Variants in PIP5K1B observed in about 807,000 individuals in gnomAD.
The protein encoded by PIP5K1B is phosphatidylinositol-4-phosphate 5-kinase type 1 beta.
PIP5K1B carries 42 observed loss-of-function variants against 67.0 expected under a neutral mutation model. The observed-to-expected ratio is 0.63, with a 90% confidence interval of 0.49 to 0.81. PIP5K1B has a LOEUF of 0.81. Ranked by LOEUF, PIP5K1B falls within the 30% of genes least tolerant of loss-of-function variation. The probability of loss-of-function intolerance (pLI) is 0.00; values close to 1 mark genes in which losing one functional copy is unlikely to be tolerated. For synonymous variants in PIP5K1B, 214 were observed against 231.4 expected, an observed-to-expected ratio of 0.92 and a Z score of 0.68; for missense variants, 459 against 646.3, an observed-to-expected ratio of 0.71 and a Z score of 3.14.
rs959414058 is a variant in PIP5K1B at position 68,966,182 on chromosome 9, T to G, written c.1503-24958T>G. ...ATATATGATTGAATAAATAAATAAA[T>G]GGAGGAGAGGAGACAAAATTCCCAT... On this transcript the variant is annotated intron_variant, in intron 14 of 15. Transcript: ENST00000265382. Among the ~76,000 whole-genome samples the G allele has an allele frequency of 9.9e-5, 15 of 152,080 alleles. No individual in the cohort carries two copies. The East Asian group carries it at 2.9e-3, about 29-fold the overall frequency.
intron 2 of PIP5K1B, chr9:68,780,241 G>C: frequency 6.5e-7 from 1 of 1,535,672 alleles, no homozygotes; most frequent in Non-Finnish European, 8.7e-7. Flanking sequence ...GGCGGTGGCA[G>C]CGGCGGCGGC....
intron 2 of PIP5K1B, among the ~76,000 whole-genome samples, chr9:68,771,916 A>C (rs1041607433): frequency 6.6e-6 from 1 of 152,216 alleles, no homozygotes; most frequent in African/African-American, 2.4e-5. Context: ...AGTTGTATTT[A>C]GTTTATAAAT....
intron 11 of PIP5K1B, among the ~76,000 whole-genome samples, chr9:68,922,406 T>C (rs1399148886): frequency 7.1e-6 from 1 of 140,046 alleles, no homozygotes; most frequent in Non-Finnish European, 1.5e-5. Context: ...GAGGTTGCAG[T>C]GAGCCGAGAT....
At chr9:68,781,460 C>T in intron 2 of PIP5K1B, 1 of 175,138 alleles carries the variant, frequency 5.7e-6, no homozygotes, top group Non-Finnish European at 1.4e-5. Context: ...TCAGTGGTTG[C>T]CGATTTCCAT....
chr9:68,968,785 C>T (rs958128043), intron 14 of PIP5K1B, among the ~76,000 whole-genome samples: 1 of 151,346 alleles, frequency 6.6e-6, no homozygotes, highest in African/African-American at 2.4e-5. Context: ...TCAAAAGAGG[C>T]ATCCTATCTC....
chr9:68,790,976 A>G (rs1323354068), intron 2 of PIP5K1B, among the ~76,000 whole-genome samples: 1 of 152,202 alleles, frequency 6.6e-6, no homozygotes, highest in African/African-American at 2.4e-5. Context: ...ATTTTAAGGC[A>G]ACATGACTGA....
chr9:68,876,914 G>T (rs1169888156), intron 6 of PIP5K1B, 120 bp downstream of exon 6: 4 of 600,084 alleles, frequency 6.7e-6, no homozygotes, highest in Non-Finnish European at 8.9e-6. Flanking sequence ...CGTAGTAAAA[G>T]TTCCAAGTTT....
Position 68,923,999 on chromosome 9 carries a change from A to G in PIP5K1B, c.1201+613A>G, listed in dbSNP as rs114995495. Among the ~76,000 whole-genome samples, 1,051 of 152,168 alleles carry G rather than the reference A, an allele frequency of 6.9e-3. 14 individuals carry two copies. Among genetic ancestry groups the G allele is most frequent in the African/African-American group, 0.024 (1,010 of 41,496 alleles). On this transcript the variant is annotated intron_variant, in intron 12 of 15. Coordinates refer to ENST00000265382, the MANE Select transcript of PIP5K1B (RefSeq NM_003558.4). Reference sequence around the variant, plus strand: ...TGAGTTAAAGAAGAAATTACAAGGAAATTAGAAAAACCTCAAGATGAATGA... The same window carrying G: ...TGAGTTAAAGAAGAAATTACAAGGAGATTAGAAAAACCTCAAGATGAATGA...
At chr9:68,847,812 A>G (rs1474556693) in intron 4 of PIP5K1B, among the ~76,000 whole-genome samples, 2 of 152,174 alleles carry the variant, frequency 1.3e-5, no homozygotes, top group Non-Finnish European at 2.9e-5. Context: ...TCAAAGGAGA[A>G]TGCAAATTAA....
intron 2 of PIP5K1B, among the ~76,000 whole-genome samples, chr9:68,805,085 T>C (rs1195228393): frequency 6.6e-6 from 1 of 152,148 alleles, no homozygotes. Context: ...GCATTTGAGA[T>C]TGGCACAGCC....
intron 2 of PIP5K1B, among the ~76,000 whole-genome samples, chr9:68,761,052 G>C (rs1332116168): frequency 6.6e-6 from 1 of 152,116 alleles, no homozygotes; most frequent in Non-Finnish European, 1.5e-5. Context: ...GAGAGAGAGA[G>C]AGAATGAAGA....
intron 2 of PIP5K1B, among the ~76,000 whole-genome samples, chr9:68,798,399 A>G (rs572114488): frequency 6.6e-6 from 1 of 152,348 alleles, no homozygotes; most frequent in Non-Finnish European, 1.5e-5. Context: ...TTTACATTAT[A>G]GTGAGAGGAA....
At chr9:69,000,673 T>C (rs1016331634) in intron 15 of PIP5K1B, among the ~76,000 whole-genome samples, 1 of 152,228 alleles carries the variant, frequency 6.6e-6, no homozygotes, top group African/African-American at 2.4e-5. Context: ...ATCAGCCATA[T>C]TGAATTAGGG....
At chr9:68,822,489 GA>G (rs1466565184) in intron 3 of PIP5K1B, 125 bp from the exon 4 acceptor site, 14 of 628,264 alleles carry the variant, frequency 2.2e-5, no homozygotes, top group Non-Finnish European at 3.9e-5. Flanking sequence ...TCTTCCTTAG[GA>G]ACAACAGCAA....
At chr9:68,993,875 C>G (rs979124736) in intron 15 of PIP5K1B, among the ~76,000 whole-genome samples, 21 of 152,220 alleles carry the variant, frequency 1.4e-4, no homozygotes, top group African/African-American at 5.1e-4. Context: ...AACTTGAACC[C>G]AGGAGCACCC....
At chr9:68,983,874 G>T (rs968509984) in intron 14 of PIP5K1B, among the ~76,000 whole-genome samples, 3 of 152,116 alleles carry the variant, frequency 2.0e-5, no homozygotes, top group African/African-American at 4.8e-5. Flanking sequence ...AATATAGGGA[G>T]ACCTCATCTC....
At chr9:68,914,054 G>A (rs186529788) in intron 8 of PIP5K1B, among the ~76,000 whole-genome samples, 71 of 151,880 alleles carry the variant, frequency 4.7e-4, no homozygotes, top group Non-Finnish European at 9.0e-4. Flanking sequence ...GAATATTGCA[G>A]GAAAAATATA....
intron 2 of PIP5K1B, among the ~76,000 whole-genome samples, chr9:68,818,083 A>G (rs1226808977): frequency 6.6e-6 from 1 of 152,210 alleles, no homozygotes; most frequent in Non-Finnish European, 1.5e-5. Context: ...TCCATAGGAG[A>G]AATTTCCACT....
intron 1 of PIP5K1B, among the ~76,000 whole-genome samples, chr9:68,734,511 T>C (rs1587360793): frequency 6.6e-6 from 1 of 152,212 alleles, no homozygotes; most frequent in East Asian, 1.9e-4. Context: ...GGTTGACCAG[T>C]GAAGACTGCT....
Sources: gnomAD v4.1 joint callset for allele counts (sites outside exome capture counted in the v4.1 genomes callset) on GRCh38, gnomAD v4.1.1 for gene constraint, MANE v1.5 for transcripts, NCBI Gene and HGNC (gene_info 2026-07-23, HGNC 2026-07-21) for gene names.